The following CCDC122 variants were observed in gnomAD, a reference collection of about 807,000 sequenced individuals.
The protein encoded by CCDC122 is coiled-coil domain containing 122.
In CCDC122, 38 loss-of-function variants were observed where a neutral mutation model predicts 37.0. The observed-to-expected ratio is 1.03, with a 90% confidence interval of 0.79 to 1.35. The LOEUF (loss-of-function observed/expected upper bound fraction) is 1.35. Among genes scored for constraint, CCDC122 ranks in the 40% most tolerant of loss-of-function variants. The probability of loss-of-function intolerance (pLI) is 0.00; values close to 1 mark genes in which losing one functional copy is unlikely to be tolerated. For missense variants in CCDC122, 305 were observed against 310.0 expected, an observed-to-expected ratio of 0.98 and a Z score of 0.12; for synonymous variants, 83 against 95.6, an observed-to-expected ratio of 0.87 and a Z score of 0.77.
chr13:43,842,445 T>A (rs1436357360), intron 6 of CCDC122, among the ~76,000 whole-genome samples: 3 of 151,948 alleles, frequency 2.0e-5, no homozygotes, highest in African/African-American at 2.4e-5. Context: ...TTATAATAAA[T>A]CTTAATATTA....
intron 2 of CCDC122, among the ~76,000 whole-genome samples, chr13:43,874,417 G>A (rs373666219): frequency 2.6e-5 from 4 of 151,444 alleles, no homozygotes; most frequent in East Asian, 3.9e-4. Flanking sequence ...TGTAAGCACC[G>A]GGAAGACAAA....
intron 6 of CCDC122, among the ~76,000 whole-genome samples, chr13:43,839,669 CT>C (rs1953279580): frequency 6.6e-6 from 1 of 152,158 alleles, no homozygotes; most frequent in Non-Finnish European, 1.5e-5. Flanking sequence ...AACTGCTAAG[CT>C]GTTTTTCAAA....
chr13:43,867,943 A>G (rs1051175296), intron 4 of CCDC122, among the ~76,000 whole-genome samples: 20 of 152,094 alleles, frequency 1.3e-4, no homozygotes, highest in Admixed American at 3.9e-4. Flanking sequence ...TACCAGTACC[A>G]TGTCCACCTG....
downstream of CCDC122, among the ~76,000 whole-genome samples, chr13:43,819,987 T>A (rs1952982652): frequency 6.6e-6 from 1 of 152,076 alleles, no homozygotes; most frequent in South Asian, 2.1e-4. Context: ...TCAATAAAAT[T>A]GTTATTATTA....
At chr13:43,856,437 T>G (rs373320810) in intron 6 of CCDC122, 1 of 152,382 alleles carries the variant, frequency 6.6e-6, no homozygotes, top group East Asian at 1.9e-4. Flanking sequence ...AAGACCATCC[T>G]GGCTAACATG....
At chr13:43,834,853 C>T (rs1230028996), downstream of CCDC122, among the ~76,000 whole-genome samples, 1 of 152,074 alleles carries the variant, frequency 6.6e-6, no homozygotes, top group South Asian at 2.1e-4. Context: ...CACTTTTACA[C>T]TGTTGGTGGG....
At chr13:43,831,602 A>G (rs1190661293), downstream of CCDC122, among the ~76,000 whole-genome samples, 1 of 152,296 alleles carries the variant, frequency 6.6e-6, no homozygotes, top group East Asian at 1.9e-4. Context: ...TTCATCTTAG[A>G]CTGGCAGTAT....
At chr13:43,846,586 GC>G (rs1430675624) in intron 6 of CCDC122, among the ~76,000 whole-genome samples, 2 of 152,260 alleles carry the variant, frequency 1.3e-5, no homozygotes, top group East Asian at 3.9e-4. Flanking sequence ...TCTAGGTCTT[GC>G]CCTTAGTCCA....
chr13:43,826,157 T>A (rs1953038850), intron 3 of CCDC122, among the ~76,000 whole-genome samples: 1 of 152,196 alleles, frequency 6.6e-6, no homozygotes, highest in African/African-American at 2.4e-5. Flanking sequence ...ATTATTAAGT[T>A]ATTTTTCCCC....
downstream of CCDC122, among the ~76,000 whole-genome samples, chr13:43,832,129 CA>C (rs11323501): frequency 0.83 from 96,504 of 116,940 alleles, 39,088 homozygotes; most frequent in Middle Eastern, 0.92. Context: ...ATTTATCAGC[CA>C]AAAAAAAAAA....
chr13:43,859,294 A>G (rs887537180), intron 5 of CCDC122, among the ~76,000 whole-genome samples: 23 of 152,286 alleles, frequency 1.5e-4, no homozygotes, highest in Admixed American at 3.9e-4. Flanking sequence ...TATTGCTTGC[A>G]TAACACCATT....
Position 43,859,993 on chromosome 13 carries a change from T to G in CCDC122, c.234A>C (p.Gln78His). The change falls in exon 5 of 7, where the codon CAA becomes CAC. Residue 78 changes from glutamine (Q) to histidine (H), a missense_variant. Transcript: ENST00000444614. ...ETKETERQIYQQDSAIENTKL... is the reference protein window; with the variant it reads ...ETKETERQIYHQDSAIENTKL... ...TGGTATTCTCTATGGCAGAATCTTG[T>G]TGATAAATTTGTCTTTCTGTTTCTT... 6.3e-7 allele frequency: 1 copy of G among 1,589,548 alleles called. No individual in the cohort carries two copies. The highest frequency in any genetic ancestry group is 8.6e-7 in the Non-Finnish European group (1 of 1,168,634).
chr13:43,868,874 CT>C, intron 3 of CCDC122, 71 bp from the exon 4 acceptor site: 1 of 657,522 alleles, frequency 1.5e-6, no homozygotes, highest in Non-Finnish European at 2.3e-6. Context: ...AGTTATGTTT[CT>C]TTACTCAAAA....
chr13:43,824,121 T>C (rs1333966799), intron 3 of CCDC122: 1 of 152,218 alleles, frequency 6.6e-6, no homozygotes, highest in African/African-American at 2.4e-5. Context: ...GTCAGTTCAA[T>C]ATGAGTGAAC....
intron 1 of CCDC122, 98 bp from the exon 2 acceptor site, chr13:43,875,025 G>A (rs1283381396): frequency 6.6e-6 from 1 of 152,166 alleles, no homozygotes; most frequent in African/African-American, 2.4e-5. Context: ...CTGCTTCTAG[G>A]TTTCTACCAA....
At chr13:43,850,050 T>A (rs1035026530) in intron 6 of CCDC122, among the ~76,000 whole-genome samples, 7 of 152,164 alleles carry the variant, frequency 4.6e-5, no homozygotes, top group African/African-American at 1.7e-4. Flanking sequence ...CCAGGCTATG[T>A]CCTCGCAGTG....
chr13:43,867,728 T>C (rs1289987955), intron 4 of CCDC122, among the ~76,000 whole-genome samples: 2 of 152,136 alleles, frequency 1.3e-5, no homozygotes, highest in East Asian at 3.8e-4. Flanking sequence ...ACTGAAAAGT[T>C]TTACAAAAAA....
chr13:43,858,771 TAA>T lies in CCDC122; in HGVS notation c.672+8_672+9del. The T allele has an allele frequency of 7.2e-7, 1 of 1,391,864 alleles. No individual in the cohort carries two copies. The highest frequency in any genetic ancestry group is 9.6e-7 in the Non-Finnish European group (1 of 1,038,536). 86.2% of individuals were successfully genotyped at this position (1,391,864 alleles called of 1,614,324 possible). Reference sequence around the variant, plus strand: ...CATAAAACATTGAAATCTAGATAATTAAGACTTACCTCTATTTCTTTTCTTAA... The same window carrying T: ...CATAAAACATTGAAATCTAGATAATTGACTTACCTCTATTTCTTTTCTTAA... On this transcript the variant is annotated splice_region_variant and intron_variant, in intron 6 of 6. Coordinates refer to ENST00000444614, the MANE Select transcript of CCDC122 (RefSeq NM_144974.5).
downstream of CCDC122, among the ~76,000 whole-genome samples, chr13:43,820,499 AG>A (rs1482351705): frequency 5.9e-5 from 9 of 152,342 alleles, no homozygotes; most frequent in Admixed American, 1.3e-4. Flanking sequence ...GGTCAAAGAT[AG>A]GGCTATTTGA....
Sources: gnomAD v4.1 joint callset for allele counts (sites outside exome capture counted in the v4.1 genomes callset) on GRCh38, gnomAD v4.1.1 for gene constraint, MANE v1.5 for transcripts, NCBI Gene and HGNC (gene_info 2026-07-23, HGNC 2026-07-21) for gene names.